GPC6: variants seen among roughly 807,000 people sequenced by gnomAD.
GPC6 encodes the protein glypican-6.
A neutral mutation model predicts 55.2 loss-of-function variants in GPC6; 14 were observed. The ratio of observed to expected loss-of-function variants is 0.25; its 90% CI spans 0.17 to 0.40. The LOEUF (loss-of-function observed/expected upper bound fraction) is 0.40, where lower values mean the gene tolerates loss of function less well. Ranked by LOEUF, GPC6 falls within the 10% of genes least tolerant of loss-of-function variation. The probability of loss-of-function intolerance (pLI) is 1.00; values close to 1 mark genes in which losing one functional copy is unlikely to be tolerated. For synonymous variants in GPC6, 278 were observed against 259.6 expected (o/e 1.07, Z -0.68); for missense variants, 641 against 708.5 (o/e 0.90, Z 1.08).
At chr13:94,316,070 A>G (rs1223135316) in intron 6 of GPC6, among the ~76,000 whole-genome samples, 1 of 152,208 alleles carries the variant, frequency 6.6e-6, no homozygotes, top group Non-Finnish European at 1.5e-5. Context: ...ACTTTAGAGG[A>G]TGACAGGCAA....
chr13:94,168,928 G>A (rs1888464729), intron 4 of GPC6, among the ~76,000 whole-genome samples: 1 of 152,070 alleles, frequency 6.6e-6, no homozygotes, highest in Non-Finnish European at 1.5e-5. Flanking sequence ...GTAAAATAAT[G>A]CAAAGTTAAT....
chr13:93,317,082 C>T (rs1031404406), intron 1 of GPC6, among the ~76,000 whole-genome samples: 7 of 152,116 alleles, frequency 4.6e-5, no homozygotes, highest in Non-Finnish European at 7.4e-5. Flanking sequence ...ATGGGAGAGG[C>T]GGTCCCCATT....
chr13:93,323,068 A>G (rs1341638519), intron 1 of GPC6, among the ~76,000 whole-genome samples: 5 of 152,178 alleles, frequency 3.3e-5, no homozygotes, highest in African/African-American at 9.7e-5. Context: ...GATTGGACAC[A>G]TCTAAAATAT....
intron 4 of GPC6, among the ~76,000 whole-genome samples, chr13:94,145,952 A>G (rs1002649005): frequency 1.3e-5 from 2 of 152,212 alleles, no homozygotes; most frequent in African/African-American, 4.8e-5. Context: ...TGTGTCTGCA[A>G]TGAAAGAAGT....
intron 4 of GPC6, among the ~76,000 whole-genome samples, chr13:94,055,348 A>G (rs2138759770): frequency 6.6e-6 from 1 of 152,348 alleles, no homozygotes; most frequent in East Asian, 1.9e-4. Flanking sequence ...AGGAGGAGAA[A>G]GAAAAGGTAA....
intron 2 of GPC6, among the ~76,000 whole-genome samples, chr13:93,714,958 G>T (rs1046848195): frequency 1.3e-5 from 2 of 151,470 alleles, no homozygotes; most frequent in African/African-American, 2.4e-5. Flanking sequence ...TGGTGACAGG[G>T]GTATATTTTT....
intron 1 of GPC6, among the ~76,000 whole-genome samples, chr13:93,379,853 CAAAA>C (rs1033963838): frequency 3.9e-4 from 58 of 148,058 alleles, no homozygotes; most frequent in African/African-American, 1.4e-3. Context: ...ATTAATGAAA[CAAAA>C]AGGTGCTATC....
chr13:93,508,796 A>T (rs1052207208), intron 1 of GPC6, among the ~76,000 whole-genome samples: 4 of 152,148 alleles, frequency 2.6e-5, no homozygotes, highest in African/African-American at 4.8e-5. Flanking sequence ...TGGAGGGAAG[A>T]CATTGCAGGT....
rs114540671 is a variant in GPC6, at chr13:94,358,329, T to C, written c.1153-24085T>C. Among the ~76,000 whole-genome samples, 1,317 of 149,702 alleles carry C rather than the reference T, an allele frequency of 8.8e-3. 12 individuals are homozygous for C. The highest frequency in any genetic ancestry group is 0.03 in the African/African-American group (1,236 of 40,846). The stretch of plus-strand genomic sequence containing the variant: ...AAAAGGAAAAAAAGAAAAAGGACCA[T>C]GAATTAAGTTATGGCAGCAGTACTA... On this transcript the variant is annotated intron_variant, in intron 6 of 8. Coordinates refer to ENST00000377047, the MANE Select transcript of GPC6 (RefSeq NM_005708.5).
chr13:94,309,943 A>T (rs1003293217), intron 6 of GPC6, among the ~76,000 whole-genome samples: 1 of 152,192 alleles, frequency 6.6e-6, no homozygotes, highest in African/African-American at 2.4e-5. Flanking sequence ...ATGTTCCTTT[A>T]TTCTTAAATG....
intron 4 of GPC6, among the ~76,000 whole-genome samples, chr13:94,073,025 GA>G (rs1884791122): frequency 6.6e-6 from 1 of 151,708 alleles, no homozygotes; most frequent in East Asian, 1.9e-4. Context: ...GCAGATAGAG[GA>G]AAAAAAGATT....
At chr13:93,694,250 G>A (rs1026229289) in intron 2 of GPC6, among the ~76,000 whole-genome samples, 3 of 152,082 alleles carry the variant, frequency 2.0e-5, no homozygotes, top group Non-Finnish European at 4.4e-5. Context: ...CATAGACAGG[G>A]CCCTGAAATG....
intron 3 of GPC6, among the ~76,000 whole-genome samples, chr13:93,983,609 G>A (rs934855168): frequency 1.3e-5 from 2 of 151,904 alleles, no homozygotes; most frequent in Admixed American, 1.3e-4. Context: ...TAAGTTTGCA[G>A]TTTAATTAGT....
At chr13:93,954,627 A>T (rs570705346) in intron 3 of GPC6, among the ~76,000 whole-genome samples, 24 of 152,302 alleles carry the variant, frequency 1.6e-4, no homozygotes, top group African/African-American at 5.1e-4. Context: ...GTTGAGTTTA[A>T]TTCATAGAGC....
At chr13:94,056,470 A>G (rs1004943157) in intron 4 of GPC6, among the ~76,000 whole-genome samples, 12 of 152,310 alleles carry the variant, frequency 7.9e-5, no homozygotes, top group Admixed American at 7.2e-4. Context: ...AAGCATGTTC[A>G]GGAATGATCA....
In GPC6 at chr13:93,334,401, G is replaced by A. The variant is rs193061257; in HGVS notation, c.160+106785G>A. On this transcript the variant is annotated intron_variant, in intron 1 of 8. Coordinates refer to ENST00000377047, the MANE Select transcript of GPC6 (RefSeq NM_005708.5). Reference sequence around the variant, plus strand: ...AAACCCCTGCTAAGATTTTGTTTAGGATTATATTGAATCTATATAATAATT... The same window carrying A: ...AAACCCCTGCTAAGATTTTGTTTAGAATTATATTGAATCTATATAATAATT... 3.1e-3 allele frequency among the ~76,000 whole-genome samples: 467 copies of A among 152,212 alleles called. 3 individuals are homozygous for A. The highest frequency in any genetic ancestry group is 0.011 in the African/African-American group (457 of 41,538).
intron 2 of GPC6, among the ~76,000 whole-genome samples, chr13:93,607,208 A>G (rs2139533480): frequency 6.6e-6 from 1 of 152,342 alleles, no homozygotes; most frequent in African/African-American, 2.4e-5. Context: ...TGACATCTGA[A>G]TACAATGTCT....
Position 93,512,888 on chromosome 13 carries a change from A to G in GPC6, c.161-32375A>G, listed in dbSNP as rs908599030. 6.6e-5 allele frequency among the ~76,000 whole-genome samples: 10 copies of G among 152,174 alleles called. No individual in the cohort carries two copies. The East Asian group carries it at 7.7e-4, about 12-fold the overall frequency. ...AGATAACTATAATATCAGAGATATT[A>G]TAGAACTGAGAATGATAAAACTACT... On this transcript the variant is annotated intron_variant, in intron 1 of 8. Transcript: ENST00000377047.
chr13:93,671,640 A>G (rs1328138228), intron 2 of GPC6, among the ~76,000 whole-genome samples: 1 of 151,142 alleles, frequency 6.6e-6, no homozygotes, highest in Non-Finnish European at 1.5e-5. Context: ...TGGTTTTTTT[A>G]GGGTTATCTG....
Sources: allele counts gnomAD v4.1 joint callset (sites outside exome capture counted in the v4.1 genomes callset), GRCh38; gene constraint gnomAD v4.1.1; transcripts MANE v1.5; gene names NCBI Gene and HGNC (gene_info 2026-07-23, HGNC 2026-07-21).